TG: variants seen among roughly 807,000 people sequenced by gnomAD.
The protein encoded by TG is thyroid hormones.
A neutral mutation model predicts 324.7 loss-of-function variants in TG; 270 were observed. The observed-to-expected ratio is 0.83, with a 90% CI of 0.75 to 0.92. TG has a LOEUF of 0.92. TG is among the 40% of genes least tolerant of loss of function. TG has a pLI of 0.00. For missense variants in TG, 3,591 were observed against 3,456.4 expected (o/e 1.04, Z -0.98); for synonymous variants, 1,401 against 1,327.0 (o/e 1.06, Z -1.21).
intron 41 of TG, among the ~76,000 whole-genome samples, chr8:133,084,956 T>A (rs1414797081): frequency 2.6e-5 from 4 of 152,224 alleles, no homozygotes; most frequent in Non-Finnish European, 5.9e-5. Flanking sequence ...CAGCAGTGGG[T>A]GATTTGGGAC....
intron 43 of TG, among the ~76,000 whole-genome samples, chr8:133,104,064 T>A (rs928260348): frequency 6.6e-6 from 1 of 152,028 alleles, no homozygotes; most frequent in Non-Finnish European, 1.5e-5. Flanking sequence ...GCCTGAGCAA[T>A]GGGGAGCCAG....
At chr8:132,921,276 A>G (rs757880870) in intron 21 of TG, among the ~76,000 whole-genome samples, 10 of 152,264 alleles carry the variant, frequency 6.6e-5, no homozygotes, top group Non-Finnish European at 1.0e-4. Context: ...TTTAGCATAA[A>G]CAATAAGCAT....
chr8:132,966,530 C>G, intron 29 of TG, 30 bp from the exon 30 acceptor site: 1 of 1,613,474 alleles, frequency 6.2e-7, no homozygotes, highest in Non-Finnish European at 8.5e-7. Context: ...GTTAAAGGTG[C>G]AGGAAGTTGA....
At chr8:132,929,333 T>C in intron 23 of TG, 141 bp downstream of exon 23, 1 of 700,344 alleles carries the variant, frequency 1.4e-6, no homozygotes, top group Admixed American at 2.2e-5. Flanking sequence ...AATGAATTGA[T>C]TTCCAGAATG....
At chr8:132,894,240 C>T (rs917549098) in intron 11 of TG, among the ~76,000 whole-genome samples, 2 of 152,174 alleles carry the variant, frequency 1.3e-5, no homozygotes, top group African/African-American at 4.8e-5. Context: ...CTCAAACACC[C>T]CTTACGGCCT....
intron 29 of TG, 98 bp downstream of exon 29, chr8:132,963,172 C>G (rs1564009484): frequency 1.8e-6 from 2 of 1,090,840 alleles, no homozygotes; most frequent in Non-Finnish European, 2.8e-6. Flanking sequence ...GTATTGACAT[C>G]ACTCTATTCT....
Position 132,917,023 on chromosome 8 carries a change from A to ATCCCTCCC in TG, c.4379-2352_4379-2351insCCCTCCCT, listed in dbSNP as rs1395567259. ...CAACCCTCCCTCCCTTCCTCCCTCCATGCCTCCCTCCCTCCCTCCCTCCTT... is the reference window on the plus strand; with the variant it reads ...CAACCCTCCCTCCCTTCCTCCCTCCATCCCTCCCTGCCTCCCTCCCTCCCTCCCTCCTT... On this transcript the variant is annotated intron_variant, in intron 20 of 47. Coordinates refer to ENST00000220616, the MANE Select transcript of TG (RefSeq NM_003235.5). Among the ~76,000 whole-genome samples the ATCCCTCCC allele has an allele frequency of 3.6e-3, 251 of 69,840 alleles. 13 individuals are homozygous for ATCCCTCCC. Among genetic ancestry groups the ATCCCTCCC allele is most frequent in the African/African-American group, 0.014 (239 of 17,560 alleles). The allele number at this position is 69,840 out of a possible 152,430, so 45.8% of individuals were successfully genotyped here.
chr8:132,965,256 G>C (rs972520292), intron 29 of TG, among the ~76,000 whole-genome samples: 30 of 152,204 alleles, frequency 2.0e-4, no homozygotes, highest in Non-Finnish European at 4.1e-4. Context: ...TGAGATGCAG[G>C]CTGGGATGGT....
chr8:132,911,283 G>A, intron 18 of TG, 94 bp from the exon 19 acceptor site: 1 of 1,610,430 alleles, frequency 6.2e-7, no homozygotes, highest in Non-Finnish European at 8.5e-7. Flanking sequence ...ATTGAAGGAA[G>A]TAACATAAGC....
intron 41 of TG, among the ~76,000 whole-genome samples, chr8:133,043,735 A>G (rs1279821397): frequency 1.3e-5 from 2 of 152,170 alleles, no homozygotes; most frequent in African/African-American, 4.8e-5. Flanking sequence ...TGATAACCAA[A>G]GCCCTGTGGA....
chr8:132,887,174 C>G lies in TG; in HGVS notation c.1802C>G (p.Thr601Arg). 1 of 1,613,996 alleles carries G rather than the reference C, an allele frequency of 6.2e-7. No individual in the cohort carries two copies. Among genetic ancestry groups the G allele is most frequent in the Non-Finnish European group, 8.5e-7 (1 of 1,179,918 alleles). The change falls in exon 9 of 48, where the codon ACG (threonine) becomes AGG (arginine). Residue 601 changes from threonine (T) to arginine (R), a missense_variant. By Grantham distance (71) the Thr-to-Arg change is moderately conservative. Coordinates refer to ENST00000220616, the MANE Select transcript of TG (RefSeq NM_003235.5). ...VARDLGDVME[T>R]VLSSQTCEQT... Reference sequence around the variant, plus strand: ...AGAGATTTAGGTGATGTGATGGAAACGGTACTCAGCTCCCAGACCTGTGAG... The same window carrying G: ...AGAGATTTAGGTGATGTGATGGAAAGGGTACTCAGCTCCCAGACCTGTGAG...
In TG at chr8:132,941,489, C is replaced by A; in HGVS notation, c.5180C>A (p.Ala1727Glu). 6.2e-7 allele frequency: 1 copy of A among 1,614,220 alleles called. No homozygotes were observed. Among genetic ancestry groups the A allele is most frequent in the African/African-American group, 1.3e-5 (1 of 75,040 alleles). Residue 1727 changes from alanine (A) to glutamate (E), a missense_variant, in exon 26 of 48, where the codon GCA (alanine) becomes GAA (glutamate). Coordinates refer to ENST00000220616, the MANE Select transcript of TG (RefSeq NM_003235.5). ...LTDAHLFCLL[A>E]CDRDLCCDGF... ...GATGCTCACCTCTTCTGTCTTCTTG[C>A]ATGCGACCGTGATCTGTGTTGCGAT...
chr8:133,092,074 T>C (rs994207306), intron 41 of TG, among the ~76,000 whole-genome samples: 2 of 152,174 alleles, frequency 1.3e-5, no homozygotes, highest in African/African-American at 4.8e-5. Context: ...CTGTGTTGTG[T>C]GATTTCCAGC....
At chr8:132,913,025 T>C (rs1242502596) in intron 19 of TG, 22 bp from the exon 20 acceptor site, 2 of 1,612,894 alleles carry the variant, frequency 1.2e-6, no homozygotes, top group African/African-American at 1.3e-5. Context: ...GGGTGACCTC[T>C]ACCTTATCCT....
At chr8:132,989,803 G>T (rs764448274) in intron 35 of TG, among the ~76,000 whole-genome samples, 5 of 152,180 alleles carry the variant, frequency 3.3e-5, no homozygotes, top group Non-Finnish European at 7.3e-5. Context: ...CCGGCGGGAA[G>T]CATGTACACC....
At chr8:132,990,978 G>C (rs2130764892) in intron 35 of TG, among the ~76,000 whole-genome samples, 1 of 151,230 alleles carries the variant, frequency 6.6e-6, no homozygotes, top group East Asian at 2.0e-4. Context: ...GGAGGCAAGG[G>C]AAGGCCCAGG....
intron 20 of TG, among the ~76,000 whole-genome samples, chr8:132,917,889 A>ATTTTTTTTTTTTTT (rs71299038): frequency 8.6e-5 from 12 of 138,764 alleles, no homozygotes; most frequent in Non-Finnish European, 1.4e-4. Flanking sequence ...GGTTTTTGCA[A>ATTTTTTTTTTTTTT]TTTTTTTTTT....
At chr8:133,028,932 C>T (rs1485024955) in intron 40 of TG, among the ~76,000 whole-genome samples, 2 of 151,982 alleles carry the variant, frequency 1.3e-5, no homozygotes, top group African/African-American at 4.8e-5. Context: ...GTCTGGAGCT[C>T]GGGGAGTGGG....
At chr8:132,973,431 C>T (rs1363407026) in intron 34 of TG, among the ~76,000 whole-genome samples, 1 of 138,426 alleles carries the variant, frequency 7.2e-6, no homozygotes, top group East Asian at 1.9e-4. Flanking sequence ...ATCTATGTGG[C>T]ACGTTTTAGG....
Sources: gnomAD v4.1 joint callset for allele counts (sites outside exome capture counted in the v4.1 genomes callset) on GRCh38, gnomAD v4.1.1 for gene constraint, MANE v1.5 for transcripts, NCBI Gene and HGNC (gene_info 2026-07-23, HGNC 2026-07-21) for gene names.